GFOD1: variants seen among roughly 807,000 people sequenced by gnomAD.
The protein encoded by GFOD1 is glucose-fructose oxidoreductase domain-containing protein 1.
A neutral mutation model predicts 25.4 loss-of-function variants in GFOD1; 9 were observed. That is an observed-to-expected ratio of 0.35 (90% CI 0.21 to 0.62). The LOEUF (loss-of-function observed/expected upper bound fraction) is 0.62, where lower values mean the gene tolerates loss of function less well. GFOD1 is among the 20% of genes least tolerant of loss of function. The probability of loss-of-function intolerance (pLI) is 0.72; values close to 1 mark genes in which losing one functional copy is unlikely to be tolerated. For missense variants in GFOD1, 403 were observed against 556.9 expected, an observed-to-expected ratio of 0.72 and a Z score of 2.78; for synonymous variants, 253 against 245.6, an observed-to-expected ratio of 1.03 and a Z score of -0.28.
At chr6:13,392,171 G>C (rs1785626670) in intron 1 of GFOD1, among the ~76,000 whole-genome samples, 1 of 151,706 alleles carries the variant, frequency 6.6e-6, no homozygotes, top group Admixed American at 6.6e-5. Context: ...GACCAGCCTG[G>C]GCGACACAAC....
At chr6:13,468,875 T>A (rs1758425185) in intron 1 of GFOD1, among the ~76,000 whole-genome samples, 1 of 152,130 alleles carries the variant, frequency 6.6e-6, no homozygotes. Context: ...AAGCCCATTA[T>A]GGAACCAAAT....
intron 1 of GFOD1, among the ~76,000 whole-genome samples, chr6:13,481,264 G>A (rs578134791): frequency 1.9e-4 from 29 of 152,340 alleles, no homozygotes; most frequent in African/African-American, 4.8e-4. Flanking sequence ...AAAGTAACAC[G>A]TAAGCTGAGA....
chr6:13,428,007 C>A, intron 1 of GFOD1, among the ~76,000 whole-genome samples: 1 of 152,272 alleles, frequency 6.6e-6, no homozygotes, highest in South Asian at 2.1e-4. Context: ...TTTTCAAACA[C>A]CTCCACGCCT....
intron 1 of GFOD1, among the ~76,000 whole-genome samples, chr6:13,473,823 C>T (rs1190879953): frequency 5.9e-5 from 9 of 152,116 alleles, no homozygotes. Context: ...TGCCCCTTTC[C>T]TCAGCTTTCA....
In GFOD1 at chr6:13,416,560, G is replaced by C. The variant is rs533972748; in HGVS notation, c.254-50898C>G. On this transcript the variant is annotated intron_variant, in intron 1 of 1. Coordinates refer to ENST00000379287, the MANE Select transcript of GFOD1 (RefSeq NM_018988.4). ...GTCCAAGAAATGAAAAAGTCAGTAC[G>C]GCTGCTGTGCCATCACAAAAGGGAT... Among the ~76,000 whole-genome samples, 3 of 152,278 alleles carry C rather than the reference G, an allele frequency of 2.0e-5. No homozygotes were observed. The South Asian group carries it at 6.2e-4, about 32-fold the overall frequency.
chr6:13,364,710 G>A lies in GFOD1; in HGVS notation c.*33C>T. ...TCCCTCTCTGTGGACATCCCCTGCA[G>A]AAGGCTCAAGTCCCCGAGGTTCTCA... On this transcript the variant is annotated 3_prime_UTR_variant, in exon 2 of 2. Transcript: ENST00000379287. This position sits in a 1 kb window ranked among gnomAD's most constrained non-coding sequence, Gnocchi z 4.1. The A allele has an allele frequency of 1.9e-6, 3 of 1,564,818 alleles. No individual in the cohort carries two copies. Among genetic ancestry groups the A allele is most frequent in the Non-Finnish European group, 2.6e-6 (3 of 1,148,216 alleles).
intron 1 of GFOD1, among the ~76,000 whole-genome samples, chr6:13,460,578 C>T (rs1758273898): frequency 6.6e-6 from 1 of 152,142 alleles, no homozygotes; most frequent in African/African-American, 2.4e-5. Context: ...GAAAAGCAAA[C>T]ACTACATGTT....
chr6:13,459,307 C>A (rs1408874999), intron 1 of GFOD1, among the ~76,000 whole-genome samples: 2 of 149,852 alleles, frequency 1.3e-5, no homozygotes, highest in East Asian at 3.9e-4. Context: ...TAGCCATATG[C>A]AGAAAACTGA....
Position 13,392,700 on chromosome 6 carries a change from G to C in GFOD1, c.254-27038C>G, listed in dbSNP as rs1281972657. 3.3e-5 allele frequency among the ~76,000 whole-genome samples: 5 copies of C among 152,196 alleles called. No homozygotes were observed. The East Asian group carries it at 9.7e-4, about 29-fold the overall frequency. On this transcript the variant is annotated intron_variant, in intron 1 of 1. Transcript: ENST00000379287. ...TTGTCATTTCATATTGTGAGAGAGG[G>C]GGTAAGCAGATGAGCCAGGTAGGTA...
intron 1 of GFOD1, among the ~76,000 whole-genome samples, chr6:13,431,930 G>A (rs60004245): frequency 0.045 from 6,828 of 152,114 alleles, 306 homozygotes; most frequent in African/African-American, 0.1. Flanking sequence ...CATGAAAAAA[G>A]CAATTCTCTC....
chr6:13,422,300 G>A (rs557492746), intron 1 of GFOD1, among the ~76,000 whole-genome samples: 2 of 152,136 alleles, frequency 1.3e-5, no homozygotes, highest in East Asian at 1.9e-4. Context: ...CATGCTGTCC[G>A]AACGGATTCT....
At chr6:13,470,459 G>A (rs868382523) in intron 1 of GFOD1, 2 of 1,550,260 alleles carry the variant, frequency 1.3e-6, no homozygotes, top group Middle Eastern at 3.4e-4. Flanking sequence ...CATCCCTAAG[G>A]GCTTGAAACC....
intron 1 of GFOD1, among the ~76,000 whole-genome samples, chr6:13,477,256 G>A (rs60199450): frequency 0.068 from 4,887 of 71,746 alleles, 117 homozygotes; most frequent in Middle Eastern, 0.12. Flanking sequence ...TGTGTGTGTA[G>A]ATGAGAGATT....
intron 1 of GFOD1, among the ~76,000 whole-genome samples, chr6:13,407,417 A>G (rs759867584): frequency 1.3e-5 from 2 of 152,204 alleles, no homozygotes; most frequent in East Asian, 3.9e-4. Context: ...CCGGGCCTCA[A>G]AGACTACATC....
intron 1 of GFOD1, among the ~76,000 whole-genome samples, chr6:13,428,897 G>A (rs556371226): frequency 5.3e-4 from 81 of 152,268 alleles, no homozygotes; most frequent in Middle Eastern, 3.4e-3. Context: ...ATAGCTTCCC[G>A]CCTGCTTTTT....
chr6:13,431,282 C>T (rs980985604), intron 1 of GFOD1, among the ~76,000 whole-genome samples: 5 of 152,114 alleles, frequency 3.3e-5, no homozygotes, highest in African/African-American at 1.2e-4. Flanking sequence ...ATTATTATTG[C>T]CCATTTTGCA....
At chr6:13,427,743 C>A (rs981995458) in intron 1 of GFOD1, among the ~76,000 whole-genome samples, 1 of 152,172 alleles carries the variant, frequency 6.6e-6, no homozygotes, top group Non-Finnish European at 1.5e-5. Flanking sequence ...ATGTGATTAT[C>A]CCATGCGATA....
In GFOD1 at chr6:13,360,309, C is replaced by T; in HGVS notation, c.*4434G>A. 4.3e-6 allele frequency: 1 copy of T among 232,748 alleles called. No individual in the cohort carries two copies. Among genetic ancestry groups the T allele is most frequent in the Non-Finnish European group, 8.7e-6 (1 of 115,438 alleles). The allele number at this position is 232,748 out of a possible 1,614,324, so 14.4% of individuals were successfully genotyped here. On this transcript the variant is annotated 3_prime_UTR_variant, in exon 2 of 2. Transcript: ENST00000379287. Reference sequence around the variant, plus strand: ...CAAAGCTGATTCTGCCCCCAGTACCCACCAGAATGCAAGAGATCAGATCAG... The same window carrying T: ...CAAAGCTGATTCTGCCCCCAGTACCTACCAGAATGCAAGAGATCAGATCAG...
intron 1 of GFOD1, among the ~76,000 whole-genome samples, chr6:13,426,445 C>T (rs1786353884): frequency 6.6e-6 from 1 of 152,196 alleles, no homozygotes; most frequent in Admixed American, 6.5e-5. Flanking sequence ...GGAGCTGGAC[C>T]AGGAACCAGA....
Sources: allele counts gnomAD v4.1 joint callset (sites outside exome capture counted in the v4.1 genomes callset), GRCh38; gene constraint gnomAD v4.1.1; non-coding constraint Gnocchi (gnomAD v3.1); transcripts MANE v1.5; gene names NCBI Gene and HGNC (gene_info 2026-07-23, HGNC 2026-07-21).